CACNA2D3: variants seen among roughly 807,000 people sequenced by gnomAD.
CACNA2D3 encodes calcium voltage-gated channel auxiliary subunit alpha2delta 3.
A neutral mutation model predicts 160.6 loss-of-function variants in CACNA2D3; 60 were observed. The ratio of observed to expected loss-of-function variants is 0.37; its 90% CI spans 0.30 to 0.46. CACNA2D3 has a LOEUF of 0.46. CACNA2D3 is among the 20% of genes least tolerant of loss of function. The pLI, the probability that CACNA2D3 is intolerant of heterozygous loss-of-function variation, is 1.00. For synonymous variants in CACNA2D3, 558 were observed against 492.9 expected (o/e 1.13, Z -1.75); for missense variants, 1,205 against 1,365.0 (o/e 0.88, Z 1.85).
chr3:54,406,752 G>A (rs931552451), intron 4 of CACNA2D3, among the ~76,000 whole-genome samples: 4 of 152,030 alleles, frequency 2.6e-5, no homozygotes, highest in Non-Finnish European at 5.9e-5. Context: ...TGCAACATGA[G>A]AACTATAGTT....
chr3:54,369,900 A>C (rs973101803), intron 3 of CACNA2D3, among the ~76,000 whole-genome samples: 1 of 152,226 alleles, frequency 6.6e-6, no homozygotes, highest in Non-Finnish European at 1.5e-5. Flanking sequence ...CCTACAGTGC[A>C]GACTGCGATA....
chr3:54,518,642 C>G (rs1037099177), intron 5 of CACNA2D3, among the ~76,000 whole-genome samples: 4 of 152,190 alleles, frequency 2.6e-5, no homozygotes, highest in African/African-American at 9.7e-5. Context: ...ACATTTTATT[C>G]TAGAGTTTTG....
chr3:54,779,065 C>T (rs1208147440), intron 13 of CACNA2D3, among the ~76,000 whole-genome samples: 3 of 151,880 alleles, frequency 2.0e-5, no homozygotes, highest in Admixed American at 6.6e-5. Flanking sequence ...TTTTGCCCAC[C>T]GTTATGATGT....
At chr3:54,364,882 A>G (rs1698803276) in intron 3 of CACNA2D3, among the ~76,000 whole-genome samples, 1 of 152,226 alleles carries the variant, frequency 6.6e-6, no homozygotes. Flanking sequence ...GTTGTATTTG[A>G]CTAATAACAT....
intron 2 of CACNA2D3, among the ~76,000 whole-genome samples, chr3:54,293,119 A>G (rs954150282): frequency 1.3e-5 from 2 of 152,226 alleles, no homozygotes; most frequent in African/African-American, 2.4e-5. Flanking sequence ...AGTACCTGGA[A>G]TAGGCGAATT....
At chr3:54,148,969 T>TC (rs1700090419) in intron 2 of CACNA2D3, among the ~76,000 whole-genome samples, 2 of 70,428 alleles carry the variant, frequency 2.8e-5, no homozygotes, top group Admixed American at 3.7e-4. Flanking sequence ...AGAGCAAAAC[T>TC]CCATCAAAAA....
intron 35 of CACNA2D3, among the ~76,000 whole-genome samples, chr3:55,063,086 G>A (rs1008387799): frequency 3.9e-4 from 60 of 152,172 alleles, no homozygotes; most frequent in African/African-American, 1.3e-3. Flanking sequence ...TGAGAAGGAC[G>A]GCTTAATGGA....
intron 16 of CACNA2D3, among the ~76,000 whole-genome samples, chr3:54,840,295 T>C (rs1292295003): frequency 1.3e-5 from 2 of 152,086 alleles, no homozygotes; most frequent in African/African-American, 4.8e-5. Flanking sequence ...TTATCTCGCT[T>C]ACTAAGTAAA....
At chr3:54,550,864 C>G (rs1264401734) in intron 5 of CACNA2D3, among the ~76,000 whole-genome samples, 6 of 152,174 alleles carry the variant, frequency 3.9e-5, no homozygotes, top group Admixed American at 3.9e-4. Flanking sequence ...CAGTGCAAAA[C>G]CTCGACCAAC....
chr3:54,972,248 C>G (rs950655568), intron 29 of CACNA2D3, among the ~76,000 whole-genome samples: 1 of 152,136 alleles, frequency 6.6e-6, no homozygotes, highest in Non-Finnish European at 1.5e-5. Flanking sequence ...CTTGAAGTTG[C>G]CCTGATTTCT....
chr3:54,162,682 G>C (rs1247633085), intron 2 of CACNA2D3, among the ~76,000 whole-genome samples: 1 of 152,138 alleles, frequency 6.6e-6, no homozygotes, highest in Non-Finnish European at 1.5e-5. Context: ...GAATCTCAAA[G>C]CACCCATATT....
chr3:54,525,305 C>G (rs1701708017), intron 5 of CACNA2D3, among the ~76,000 whole-genome samples: 2 of 152,076 alleles, frequency 1.3e-5, no homozygotes, highest in South Asian at 4.1e-4. Flanking sequence ...TAGACCCAAC[C>G]ATACATTGCA....
intron 27 of CACNA2D3, among the ~76,000 whole-genome samples, chr3:54,906,707 T>C (rs1251011685): frequency 1.3e-5 from 2 of 152,208 alleles, no homozygotes; most frequent in Non-Finnish European, 2.9e-5. Flanking sequence ...AAGTCTTTGC[T>C]CTGAATGTCA....
rs140783874 is a variant in CACNA2D3 at position 54,610,701 on chromosome 3, G to T, written c.964-17086G>T. 2.3e-3 allele frequency among the ~76,000 whole-genome samples: 347 copies of T among 152,022 alleles called. 3 individuals carry two copies. Among genetic ancestry groups the T allele is most frequent in the Middle Eastern group, 6.8e-3 (2 of 294 alleles). On this transcript the variant is annotated intron_variant, in intron 9 of 37. Coordinates refer to ENST00000474759, the MANE Select transcript of CACNA2D3 (RefSeq NM_018398.3). ...TGCAGTGGCATGATCTTGACTCACTGTAACTGTAACCACCGCCTCCCAGAT... is the reference window on the plus strand; with the variant it reads ...TGCAGTGGCATGATCTTGACTCACTTTAACTGTAACCACCGCCTCCCAGAT...
chr3:54,783,344 A>G (rs1183174541), intron 13 of CACNA2D3, among the ~76,000 whole-genome samples: 1 of 152,112 alleles, frequency 6.6e-6, no homozygotes, highest in African/African-American at 2.4e-5. Flanking sequence ...GGTGGCTCAC[A>G]CCTGTAATCC....
chr3:54,948,720 A>G (rs1422031449), intron 27 of CACNA2D3, among the ~76,000 whole-genome samples: 3 of 152,190 alleles, frequency 2.0e-5, no homozygotes, highest in Admixed American at 1.3e-4. Flanking sequence ...GTTGTCAGCT[A>G]TTGTATTTGA....
At chr3:54,831,450 C>T (rs1440305057) in intron 14 of CACNA2D3, among the ~76,000 whole-genome samples, 1 of 152,180 alleles carries the variant, frequency 6.6e-6, no homozygotes, top group African/African-American at 2.4e-5. Context: ...AAACAGATGT[C>T]CTTCAAAGGT....
At chr3:54,450,942 G>A (rs1700295636) in intron 4 of CACNA2D3, among the ~76,000 whole-genome samples, 1 of 152,086 alleles carries the variant, frequency 6.6e-6, no homozygotes, top group Non-Finnish European at 1.5e-5. Flanking sequence ...GAAATACAAT[G>A]GTGGAACTGG....
intron 21 of CACNA2D3, among the ~76,000 whole-genome samples, chr3:54,884,991 C>T (rs189290237): frequency 4.3e-4 from 65 of 152,222 alleles, no homozygotes; most frequent in Admixed American, 9.2e-4. Flanking sequence ...CTTCTCCCTC[C>T]GGACTCATTT....
Sources: allele counts gnomAD v4.1 joint callset (sites outside exome capture counted in the v4.1 genomes callset), GRCh38; gene constraint gnomAD v4.1.1; transcripts MANE v1.5; gene names NCBI Gene and HGNC (gene_info 2026-07-23, HGNC 2026-07-21).